Variants in CISD3 observed in about 807,000 individuals in gnomAD.
CISD3 encodes the protein CDGSH iron-sulfur domain-containing protein 3, mitochondrial.
In CISD3, 11 loss-of-function variants were observed where a neutral mutation model predicts 14.1. The observed-to-expected ratio is 0.78, with a 90% CI of 0.49 to 1.29. The LOEUF (loss-of-function observed/expected upper bound fraction) is 1.29. Among genes scored for constraint, CISD3 ranks in the 50% most tolerant of loss-of-function variants. The pLI is 0.00. For synonymous variants in CISD3, 53 were observed against 69.2 expected, an observed-to-expected ratio of 0.77 and a Z score of 1.16; for missense variants, 156 against 171.6, an observed-to-expected ratio of 0.91 and a Z score of 0.51.
Position 38,730,797 on chromosome 17 carries a change from T to G in CISD3, c.84+2T>G. On this transcript the variant is annotated splice_donor_variant, in intron 2 of 3. Coordinates refer to ENST00000613478, the MANE Select transcript of CISD3 (RefSeq NM_001136498.2). LOFTEE classifies it high-confidence loss of function. ...CGGCGGGACATCTCCTCCTGGCTGG[T>G]GAGTCCCCCCATCCTCCCCTCCTCC... 1 of 1,551,484 alleles carries G rather than the reference T, an allele frequency of 6.4e-7. No homozygotes were observed. The highest frequency in any genetic ancestry group is 8.7e-7 in the Non-Finnish European group (1 of 1,146,844).
At chr17:38,731,290 C>G in intron 2 of CISD3, 30 bp from the exon 3 acceptor site, 1 of 1,549,884 alleles carries the variant, frequency 6.5e-7, no homozygotes, top group South Asian at 1.2e-5. Flanking sequence ...CTTGAGCTAA[C>G]CCTGAGCCCC....
Position 38,732,102 on chromosome 17 carries a change from C to T in CISD3, c.204+663C>T, listed in dbSNP as rs530896384. Among the ~76,000 whole-genome samples the T allele has an allele frequency of 3.3e-5, 5 of 152,314 alleles. No individual in the cohort carries two copies. In the South Asian group the frequency reaches 8.3e-4, roughly 25 times the overall value. ...CCTGCCCCACTTGCTTCCCCTTCTG[C>T]CCAGGAGCCTTTCGTCCCAGCAGGA... is the stretch of plus-strand genomic sequence containing the variant. On this transcript the variant is annotated intron_variant, in intron 3 of 3. Coordinates refer to ENST00000613478, the MANE Select transcript of CISD3 (RefSeq NM_001136498.2).
chr17:38,730,712 T>G (rs1906292238), intron 1 of CISD3, 48 bp from the exon 2 acceptor site: 1 of 1,549,390 alleles, frequency 6.5e-7, no homozygotes, highest in African/African-American at 1.4e-5. Flanking sequence ...ATTTTTCCGT[T>G]TCCAAACCAC....
intron 3 of CISD3, chr17:38,732,062 T>G (rs911329891): frequency 6.5e-6 from 1 of 153,138 alleles, no homozygotes; most frequent in African/African-American, 2.4e-5. Flanking sequence ...GTTTGCTGTC[T>G]TCTCAGCTTC....
At chr17:38,731,020 T>G in intron 2 of CISD3, 1 of 636,696 alleles carries the variant, frequency 1.6e-6, no homozygotes, top group Non-Finnish European at 2.7e-6. Context: ...TGGGTGGCCC[T>G]GCCGTAGGCT....
In CISD3 at chr17:38,731,389, G is replaced by C; in HGVS notation, c.154G>C (p.Val52Leu). 1.3e-6 allele frequency: 2 copies of C among 1,551,710 alleles called. No individual in the cohort carries two copies. Among genetic ancestry groups the C allele is most frequent in the East Asian group, 2.4e-5 (1 of 40,926 alleles). ...ALKTPIKVEL[V>L]AGKTYRWCVC... ...GAAGACCCCCATCAAGGTGGAGCTGGTGGCAGGGAAAACCTACAGGTGGTG... is the reference window on the plus strand; with the variant it reads ...GAAGACCCCCATCAAGGTGGAGCTGCTGGCAGGGAAAACCTACAGGTGGTG... Residue 52 changes from valine (V) to leucine (L), a missense_variant, in exon 3 of 4, where the codon GTG (valine) becomes CTG (leucine). Coordinates refer to ENST00000613478, the MANE Select transcript of CISD3 (RefSeq NM_001136498.2).
At position 38,731,391 on chromosome 17, in the gene CISD3, G is replaced by T; in HGVS notation, c.156G>T (p.Val52=). The T allele has an allele frequency of 6.4e-7, 1 of 1,551,700 alleles. No individual in the cohort carries two copies. Among genetic ancestry groups the T allele is most frequent in the African/African-American group, 1.4e-5 (1 of 73,152 alleles). Residue 52 remains valine, a synonymous_variant, in exon 3 of 4, where the codon GTG becomes GTT. Coordinates refer to ENST00000613478, the MANE Select transcript of CISD3 (RefSeq NM_001136498.2). ...AGACCCCCATCAAGGTGGAGCTGGT[G>T]GCAGGGAAAACCTACAGGTGGTGTG... The part of the protein sequence containing the change: ...ALKTPIKVEL[V]AGKTYRWCVC...
At position 38,733,620 on chromosome 17, in the gene CISD3, G is replaced by C; in HGVS notation, c.*165G>C. ...TATAACCTAAAAGTCTCCAGTCTGG[G>C]GCAGGCGGGAGTGGGCCCTGGTTCA... On this transcript the variant is annotated 3_prime_UTR_variant, in exon 4 of 4. Transcript: ENST00000613478. 1 of 756,408 alleles carries C rather than the reference G, an allele frequency of 1.3e-6. No individual in the cohort carries two copies. Among genetic ancestry groups the C allele is most frequent in the Non-Finnish European group, 2.0e-6 (1 of 501,696 alleles). The allele number at this position is 756,408 out of a possible 1,614,324, so 46.9% of individuals were successfully genotyped here.
At chr17:38,731,169 G>A in intron 2 of CISD3, 151 bp from the exon 3 acceptor site, 1 of 1,051,238 alleles carries the variant, frequency 9.5e-7, no homozygotes, top group Non-Finnish European at 1.3e-6. Context: ...GGTGTCCTGG[G>A]GAACGGTCTT....
Position 38,735,120 on chromosome 17 carries a change from A to T in CISD3, c.*1665A>T. The T allele has an allele frequency of 1.2e-6, 1 of 809,128 alleles. No individual in the cohort carries two copies. The highest frequency in any genetic ancestry group is 1.7e-6 in the Non-Finnish European group (1 of 585,502). The allele number at this position is 809,128 out of a possible 1,614,324, so 50.1% of individuals were successfully genotyped here. ...TTATAAAACCCGCCCCCCACCCCCA[A>T]GGTGGGAAGAGCTGGGGAAAGTAGA... On this transcript the variant is annotated 3_prime_UTR_variant, in exon 4 of 4. Transcript: ENST00000613478.
At chr17:38,730,724 G>A (rs1906292922) in intron 1 of CISD3, 36 bp from the exon 2 acceptor site, 1 of 1,550,688 alleles carries the variant, frequency 6.4e-7, no homozygotes, top group Admixed American at 2.0e-5. Context: ...CCAAACCACC[G>A]TCTTGTGATG....
At position 38,734,484 on chromosome 17, in the gene CISD3, C is replaced by T. The variant is rs1598010705; in HGVS notation, c.*1029C>T. 6.6e-6 allele frequency: 1 copy of T among 150,528 alleles called. No homozygotes were observed. The highest frequency in any genetic ancestry group is 1.5e-5 in the Non-Finnish European group (1 of 67,860). The allele number at this position is 150,528 out of a possible 1,614,324, so 9.3% of individuals were successfully genotyped here. On this transcript the variant is annotated 3_prime_UTR_variant, in exon 4 of 4. Coordinates refer to ENST00000613478, the MANE Select transcript of CISD3 (RefSeq NM_001136498.2). ...AGCTGAGACCTCTCAGGGCCTGAAT[C>T]TTCTTTTCCACAAGATAAATGATGC...
intron 2 of CISD3, 101 bp from the exon 3 acceptor site, chr17:38,731,219 G>C (rs928944356): frequency 6.8e-7 from 1 of 1,467,074 alleles, no homozygotes; most frequent in Non-Finnish European, 9.1e-7. Flanking sequence ...GAGGAAACCT[G>C]CCACACACAC....
In CISD3 at chr17:38,733,265, T is replaced by C; in HGVS notation, c.205-11T>C. The C allele has an allele frequency of 6.4e-7, 1 of 1,551,310 alleles. No individual in the cohort carries two copies. The highest frequency in any genetic ancestry group is 8.7e-7 in the Non-Finnish European group (1 of 1,146,922). ...GGGTCAGGTCTTTGACTCCTGTCTT[T>C]CCCCCACCAGCCCTTCTGTGACGGC... On this transcript the variant is annotated splice_polypyrimidine_tract_variant and intron_variant, in intron 3 of 3. Coordinates refer to ENST00000613478, the MANE Select transcript of CISD3 (RefSeq NM_001136498.2).
chr17:38,730,628 TC>T (rs1906288258), intron 1 of CISD3, 131 bp from the exon 2 acceptor site: 2 of 952,968 alleles, frequency 2.1e-6, no homozygotes, highest in African/African-American at 3.2e-5. Flanking sequence ...CTCTCATTCC[TC>T]CCTCGCCCCT....
intron 2 of CISD3, 125 bp from the exon 3 acceptor site, chr17:38,731,195 A>G: frequency 7.5e-7 from 1 of 1,332,468 alleles, no homozygotes; most frequent in Non-Finnish European, 1.0e-6. Context: ...GTGGCATCAG[A>G]TCAGCCTCTT....
At position 38,733,809 on chromosome 17, in the gene CISD3, T is replaced by C. The variant is rs1158849129; in HGVS notation, c.*354T>C. 2 of 241,632 alleles carry C rather than the reference T, an allele frequency of 8.3e-6. No individual in the cohort carries two copies. Among genetic ancestry groups the C allele is most frequent in the Non-Finnish European group, 1.6e-5 (2 of 125,426 alleles). The allele number at this position is 241,632 out of a possible 1,614,324, so 15.0% of individuals were successfully genotyped here. A position where few individuals can be genotyped will look rare whatever the true frequency, so the allele number is the denominator to read the frequency against. On this transcript the variant is annotated 3_prime_UTR_variant, in exon 4 of 4. Transcript: ENST00000613478. Reference sequence around the variant, plus strand: ...CACAGGAGAGGGCAGTTCAGATTCATTCTGTATGGGGTCCCCAAGCCAGGC... The same window carrying C: ...CACAGGAGAGGGCAGTTCAGATTCACTCTGTATGGGGTCCCCAAGCCAGGC...
In CISD3 at chr17:38,735,265, G is replaced by A. The variant is rs754797963; in HGVS notation, c.*1810G>A. 6.8e-6 allele frequency: 10 copies of A among 1,466,982 alleles called. No homozygotes were observed. The Admixed American group carries it at 7.0e-5, about 10-fold the overall frequency. 90.9% of individuals were successfully genotyped at this position (1,466,982 alleles called of 1,614,324 possible). A position where few individuals can be genotyped will look rare whatever the true frequency, so the allele number is the denominator to read the frequency against. On this transcript the variant is annotated 3_prime_UTR_variant, in exon 4 of 4. Transcript: ENST00000613478. ...CGGGAGCGCCGTTGACAGTCATCTT[G>A]CGCCCCCTGCTGGTGGAGGATGGTG...
At position 38,733,613 on chromosome 17, in the gene CISD3, A is replaced by C; in HGVS notation, c.*158A>C. 2 of 785,582 alleles carry C rather than the reference A, an allele frequency of 2.5e-6. No individual in the cohort carries two copies. The highest frequency in any genetic ancestry group is 3.8e-6 in the Non-Finnish European group (2 of 527,420). 48.7% of individuals were successfully genotyped at this position (785,582 alleles called of 1,614,324 possible). A position where few individuals can be genotyped will look rare whatever the true frequency, so the allele number is the denominator to read the frequency against. On this transcript the variant is annotated 3_prime_UTR_variant, in exon 4 of 4. Coordinates refer to ENST00000613478, the MANE Select transcript of CISD3 (RefSeq NM_001136498.2). Reference sequence around the variant, plus strand: ...TATTCCTTATAACCTAAAAGTCTCCAGTCTGGGGCAGGCGGGAGTGGGCCC... The same window carrying C: ...TATTCCTTATAACCTAAAAGTCTCCCGTCTGGGGCAGGCGGGAGTGGGCCC...
Sources: gnomAD v4.1 joint callset for allele counts (sites outside exome capture counted in the v4.1 genomes callset) on GRCh38, gnomAD v4.1.1 for gene constraint, MANE v1.5 for transcripts, NCBI Gene and HGNC (gene_info 2026-07-23, HGNC 2026-07-21) for gene names.